The following SMS variants were observed in gnomAD, a reference collection of about 807,000 sequenced individuals.
The protein encoded by SMS is spermidine aminopropyltransferase.
SMS carries 3 observed loss-of-function variants against 33.0 expected under a neutral mutation model. That is an observed-to-expected ratio of 0.09 (90% CI 0.04 to 0.23). The LOEUF (loss-of-function observed/expected upper bound fraction) is 0.23, where lower values mean the gene tolerates loss of function less well. Among genes scored for constraint, SMS ranks in the 10% least tolerant of loss-of-function variants. SMS has a pLI of 1.00. For synonymous variants in SMS, 103 were observed against 112.2 expected (o/e 0.92, Z 0.52); for missense variants, 117 against 288.6 (o/e 0.41, Z 4.31).
At chrX:21,976,384 A>G (rs775822751) in intron 4 of SMS, among the ~76,000 whole-genome samples, 54 of 111,117 alleles carry the variant, frequency 4.9e-4, no homozygotes, top group African/African-American at 1.7e-3. Context: ...AGCATCACCA[A>G]TAATAGGACA....
intron 5 of SMS, 25 bp from the exon 6 acceptor site, chrX:21,977,935 A>G (rs1253378237): frequency 8.3e-7 from 1 of 1,206,969 alleles, no homozygotes; most frequent in Non-Finnish European, 1.1e-6. Flanking sequence ...TAGACTCACC[A>G]TTTGGATCTG....
intron 2 of SMS, among the ~76,000 whole-genome samples, chrX:21,969,491 C>T (rs1436783922): frequency 9.0e-6 from 1 of 111,611 alleles, no homozygotes; most frequent in African/African-American, 3.3e-5. Context: ...CTGTACCTGC[C>T]GCCTCTCACT....
chrX:21,994,605 A>T lies in SMS; in HGVS notation c.*254A>T, dbSNP rs1356443281. The stretch of plus-strand genomic sequence containing the variant: ...ACTGCTAAATGCACTGACCCCCCCC[A>T]TTAGAATGTGATTTTTGTTCCTTTT... On this transcript the variant is annotated 3_prime_UTR_variant, in exon 11 of 11. Coordinates refer to ENST00000404933, the MANE Select transcript of SMS (RefSeq NM_004595.5). 1.1e-6 allele frequency: 1 copy of T among 895,922 alleles called. No individual in the cohort carries two copies. Among genetic ancestry groups the T allele is most frequent in the African/African-American group, 2.1e-5 (1 of 46,985 alleles). 73.8% of individuals were successfully genotyped at this position (895,922 alleles called of 1,213,427 possible). A position where few individuals can be genotyped will look rare whatever the true frequency, so the allele number is the denominator to read the frequency against.
intron 7 of SMS, among the ~76,000 whole-genome samples, chrX:21,980,826 C>T (rs1050780255): frequency 9.0e-6 from 1 of 111,502 alleles, no homozygotes; most frequent in African/African-American, 3.3e-5. Context: ...ATAAAGCCAG[C>T]CTAGATTTTT....
At chrX:21,953,265 A>G (rs1922739549) in intron 1 of SMS, among the ~76,000 whole-genome samples, 1 of 106,541 alleles carries the variant, frequency 9.4e-6, no homozygotes, top group Non-Finnish European at 1.9e-5. Context: ...GTGAACAAAG[A>G]GTTAAGTTAC....
At chrX:21,979,371 C>T (rs1924757976) in intron 7 of SMS, among the ~76,000 whole-genome samples, 1 of 107,045 alleles carries the variant, frequency 9.3e-6, no homozygotes, top group African/African-American at 3.4e-5. Context: ...TACCCCCGAT[C>T]GGCCCCGGTG....
At chrX:21,948,024 A>G (rs1454642535) in intron 1 of SMS, among the ~76,000 whole-genome samples, 2 of 109,927 alleles carry the variant, frequency 1.8e-5, no homozygotes, top group Non-Finnish European at 3.8e-5. Context: ...TCTTTTCCCA[A>G]CTCTGCAAAA....
intron 1 of SMS, among the ~76,000 whole-genome samples, chrX:21,962,638 T>A (rs949120764): frequency 4.5e-5 from 5 of 111,713 alleles, no homozygotes; most frequent in South Asian, 3.7e-4. Flanking sequence ...TTGGAATTTT[T>A]AAAAATTCCT....
At chrX:21,969,468 A>C (rs1923968364) in intron 2 of SMS, among the ~76,000 whole-genome samples, 1 of 111,588 alleles carries the variant, frequency 9.0e-6, no homozygotes, top group African/African-American at 3.3e-5. Context: ...GCAGGATTAC[A>C]CTGAGCCCCT....
Position 21,978,872 on chromosome X carries a change from C to G in SMS, c.661-5C>G, listed in dbSNP as rs371972467. On this transcript the variant is annotated splice_region_variant and splice_polypyrimidine_tract_variant and intron_variant, in intron 6 of 10. Coordinates refer to ENST00000404933, the MANE Select transcript of SMS (RefSeq NM_004595.5). ...TACCCAAATTCTCCTTAACCTGTTG[C>G]GGACATTGACCAAATGGTGATTGAT... The G allele has an allele frequency of 3.4e-6, 4 of 1,184,779 alleles. No individual in the cohort carries two copies. In the Admixed American group the frequency reaches 6.6e-5, roughly 19 times the overall value.
intron 7 of SMS, among the ~76,000 whole-genome samples, chrX:21,983,059 A>G: frequency 9.0e-6 from 1 of 110,929 alleles, no homozygotes. Flanking sequence ...TTTTGAGTCA[A>G]GGTCTTGCTC....
chrX:21,960,049 G>A, intron 1 of SMS: 1 of 330,358 alleles, frequency 3.0e-6, no homozygotes, highest in Non-Finnish European at 4.0e-6. Flanking sequence ...GTGTGTGTGT[G>A]TAGGGGCACT....
chrX:21,989,947 T>C (rs901376778), intron 9 of SMS, among the ~76,000 whole-genome samples: 1 of 111,120 alleles, frequency 9.0e-6, no homozygotes, highest in African/African-American at 3.3e-5. Context: ...TTCACCATGT[T>C]GGCCATGCTG....
intron 1 of SMS, among the ~76,000 whole-genome samples, chrX:21,945,276 G>C (rs1277633701): frequency 8.9e-6 from 1 of 111,761 alleles, no homozygotes; most frequent in East Asian, 2.8e-4. Context: ...AAAGTGAGAT[G>C]CTCATTTACC....
chrX:21,949,978 G>A (rs999292042), intron 1 of SMS, among the ~76,000 whole-genome samples: 2 of 111,357 alleles, frequency 1.8e-5, no homozygotes, highest in African/African-American at 6.5e-5. Flanking sequence ...AAACACTTTC[G>A]GTCCCAAGCA....
intron 1 of SMS, among the ~76,000 whole-genome samples, chrX:21,962,720 A>G (rs1260160572): frequency 9.0e-6 from 1 of 111,663 alleles, no homozygotes; most frequent in Non-Finnish European, 1.9e-5. Context: ...AGGTGGCACA[A>G]TCATGGGTCA....
chrX:21,946,956 T>TG (rs1294305942), intron 1 of SMS, among the ~76,000 whole-genome samples: 2 of 111,336 alleles, frequency 1.8e-5, no homozygotes, highest in Non-Finnish European at 3.8e-5. Context: ...GTTAGGAGCT[T>TG]GGTCATTGCT....
Position 21,992,731 on chromosome X carries a change from A to G in SMS, c.1061+19A>G, listed in dbSNP as rs200666073. ...TGGAATTGTATCCTTTGACCGTGAC[A>G]TTCTGTTGCCAGATCAAAGCACCCA... On this transcript the variant is annotated intron_variant, in intron 10 of 10. Coordinates refer to ENST00000404933, the MANE Select transcript of SMS (RefSeq NM_004595.5). 2.0e-6 allele frequency: 2 copies of G among 986,330 alleles called. No homozygotes were observed. The highest frequency in any genetic ancestry group is 2.0e-5 in the South Asian group (1 of 50,910). The allele number at this position is 986,330 out of a possible 1,213,427, so 81.3% of individuals were successfully genotyped here. A position where few individuals can be genotyped will look rare whatever the true frequency, so the allele number is the denominator to read the frequency against.
intron 10 of SMS, 117 bp from the exon 11 acceptor site, chrX:21,994,195 T>C: frequency 1.4e-6 from 1 of 690,280 alleles, no homozygotes; most frequent in Non-Finnish European, 2.3e-6. Flanking sequence ...ATTCCCACAG[T>C]GCTCTAAGCC....
Sources: allele counts gnomAD v4.1 joint callset (sites outside exome capture counted in the v4.1 genomes callset), GRCh38; gene constraint gnomAD v4.1.1; transcripts MANE v1.5; gene names NCBI Gene and HGNC (gene_info 2026-07-23, HGNC 2026-07-21).